Variants in DEAF1 observed in about 807,000 individuals in gnomAD.
DEAF1 encodes the protein deformed epidermal autoregulatory factor 1 homolog.
A neutral mutation model predicts 58.9 loss-of-function variants in DEAF1; 53 were observed. That is an observed-to-expected ratio of 0.90 (90% confidence interval 0.72 to 1.13). The LOEUF (loss-of-function observed/expected upper bound fraction) is 1.13. Among genes scored for constraint, DEAF1 ranks in the 50% most tolerant of loss-of-function variants. The pLI, the probability that DEAF1 is intolerant of heterozygous loss-of-function variation, is 0.00. For missense variants in DEAF1, 685 were observed against 791.4 expected (o/e 0.87, Z 1.61); for synonymous variants, 385 against 340.4 (o/e 1.13, Z -1.44).
At chr11:704,558 C>T in intron 1 of DEAF1, 1 of 1,289,370 alleles carries the variant, frequency 7.8e-7, no homozygotes, top group Non-Finnish European at 1.0e-6. Flanking sequence ...CTGGGCACAC[C>T]TGCCATCTGG....
intron 11 of DEAF1, among the ~76,000 whole-genome samples, chr11:647,713 C>T (rs907814453): frequency 5.9e-5 from 9 of 152,110 alleles, no homozygotes; most frequent in African/African-American, 1.7e-4. Context: ...CTCTCCTGGG[C>T]GATCCAACTC....
At chr11:703,433 G>A (rs1861591196) in intron 1 of DEAF1, 2 of 1,294,418 alleles carry the variant, frequency 1.5e-6, no homozygotes, top group Non-Finnish European at 9.8e-7. Context: ...CCTGTCAGTG[G>A]GGTCTGGCTT....
At chr11:654,164 CCTTTTT>C (rs1858934122) in intron 10 of DEAF1, 113 bp from the exon 11 acceptor site, 37 of 523,224 alleles carry the variant, frequency 7.1e-5, no homozygotes, top group South Asian at 1.3e-4. Flanking sequence ...CATTGGACCC[CCTTTTT>C]TTTTTTTTTT....
intron 11 of DEAF1, among the ~76,000 whole-genome samples, chr11:651,611 C>T (rs891378042): frequency 3.3e-5 from 5 of 151,928 alleles, no homozygotes; most frequent in South Asian, 4.2e-4. Context: ...CAGCTGGGCA[C>T]GGTGGCTCAC....
chr11:644,921 G>A lies in DEAF1; in HGVS notation c.1594-267C>T, dbSNP rs1858414346. On this transcript the variant is annotated intron_variant, in intron 11 of 11. Transcript: ENST00000382409. The surrounding 1 kb of genome is among the most constrained non-coding windows in gnomAD (Gnocchi z 4.3). ...CTCACGCCTGTAATCCCAACACTTT[G>A]GGAGGCCCAGGAGGGTGGATCCCCT... 6.6e-6 allele frequency among the ~76,000 whole-genome samples: 1 copy of A among 152,164 alleles called. No individual in the cohort carries two copies. Among genetic ancestry groups the A allele is most frequent in the Admixed American group, 6.5e-5 (1 of 15,272 alleles).
At chr11:653,669 C>T (rs755693826) in intron 11 of DEAF1, among the ~76,000 whole-genome samples, 7 of 151,894 alleles carry the variant, frequency 4.6e-5, no homozygotes, top group Admixed American at 6.6e-5. Context: ...TGGACAGTCT[C>T]TCTTGCGTGG....
At chr11:671,840 A>C (rs1377005217) in intron 10 of DEAF1, among the ~76,000 whole-genome samples, 4 of 133,000 alleles carry the variant, frequency 3.0e-5, no homozygotes, top group East Asian at 4.9e-4. Flanking sequence ...AAAAAAAAAA[A>C]AAAAAAAAAG....
At chr11:671,846 A>C (rs1381025935) in intron 10 of DEAF1, among the ~76,000 whole-genome samples, 5 of 137,138 alleles carry the variant, frequency 3.6e-5, no homozygotes, top group South Asian at 2.4e-4. Context: ...AAAAAAAAAA[A>C]AAAGAAACAC....
At chr11:659,745 C>A (rs1589981459) in intron 10 of DEAF1, among the ~76,000 whole-genome samples, 1 of 152,216 alleles carries the variant, frequency 6.6e-6, no homozygotes, top group East Asian at 1.9e-4. Flanking sequence ...TTTCCCGGCA[C>A]TGCAGTGAGT....
Position 691,488 on chromosome 11 carries a change from C to A in DEAF1, c.387+13G>T. On this transcript the variant is annotated intron_variant, in intron 2 of 11. Coordinates refer to ENST00000382409, the MANE Select transcript of DEAF1 (RefSeq NM_021008.4). ...ACCACCCGCCCTGGGCTGTGCCCCT[C>A]GGAGCAGCTTACCAGAACATGTCCT... The A allele has an allele frequency of 1.9e-6, 3 of 1,610,516 alleles. No homozygotes were observed. The highest frequency in any genetic ancestry group is 2.5e-6 in the Non-Finnish European group (3 of 1,179,754).
At chr11:697,692 G>C (rs1474590828), upstream of DEAF1, 1 of 152,210 alleles carries the variant, frequency 6.6e-6, no homozygotes, top group Non-Finnish European at 1.5e-5. Context: ...ATAATGACAG[G>C]TATTTAGGTG....
chr11:705,837 T>C (rs1861688529), intron 1 of DEAF1, among the ~76,000 whole-genome samples: 1 of 152,020 alleles, frequency 6.6e-6, no homozygotes, highest in Non-Finnish European at 1.5e-5. Flanking sequence ...CGTTCCCCCG[T>C]CCCCCGGCCT....
intron 1 of DEAF1, chr11:704,558 C>A: frequency 7.8e-7 from 1 of 1,289,370 alleles, no homozygotes. Context: ...CTGGGCACAC[C>A]TGCCATCTGG....
At chr11:670,948 A>G (rs1859797113) in intron 10 of DEAF1, among the ~76,000 whole-genome samples, 2 of 16,084 alleles carry the variant, frequency 1.2e-4, no homozygotes, top group Non-Finnish European at 2.2e-4. Flanking sequence ...TTTTTTTTTG[A>G]GACAGAGTCT....
In DEAF1 at chr11:644,253, G is replaced by C. The variant is rs182162292; in HGVS notation, c.*297C>G. ...AGGGAGACCTTATTTACACTTTATT[G>C]ACAGACACAACACGTATGTATGTGC... On this transcript the variant is annotated 3_prime_UTR_variant, in exon 12 of 12. Coordinates refer to ENST00000382409, the MANE Select transcript of DEAF1 (RefSeq NM_021008.4). This position sits in a 1 kb window ranked among gnomAD's most constrained non-coding sequence, Gnocchi z 4.3. 36 of 499,704 alleles carry C rather than the reference G, an allele frequency of 7.2e-5. No homozygotes were observed. The highest frequency in any genetic ancestry group is 6.8e-4 in the African/African-American group (35 of 51,674). 31.0% of individuals were successfully genotyped at this position (499,704 alleles called of 1,614,324 possible). A position where few individuals can be genotyped will look rare whatever the true frequency, so the allele number is the denominator to read the frequency against.
chr11:659,755 T>C (rs1048167406), intron 10 of DEAF1, among the ~76,000 whole-genome samples: 1 of 152,012 alleles, frequency 6.6e-6, no homozygotes, highest in Non-Finnish European at 1.5e-5. Context: ...CTGCAGTGAG[T>C]TCAGGTGAAG....
At chr11:691,391 A>G in intron 2 of DEAF1, 110 bp downstream of exon 2, 2 of 1,003,684 alleles carry the variant, frequency 2.0e-6, no homozygotes, top group Non-Finnish European at 3.0e-6. Context: ...TCCCCAGCTC[A>G]CAGAGCAGAC....
chr11:658,921 A>G (rs547036037), intron 10 of DEAF1, among the ~76,000 whole-genome samples: 1 of 152,380 alleles, frequency 6.6e-6, no homozygotes, highest in African/African-American at 2.4e-5. Context: ...TGGTTTCATT[A>G]TAATTGATTT....
chr11:681,948 T>G (rs1178961726), intron 6 of DEAF1, among the ~76,000 whole-genome samples: 2 of 152,226 alleles, frequency 1.3e-5, no homozygotes, highest in African/African-American at 4.8e-5. Flanking sequence ...CTTATCATCT[T>G]TTGTTAAGAA....
Sources: gnomAD v4.1 joint callset for allele counts (sites outside exome capture counted in the v4.1 genomes callset) on GRCh38, gnomAD v4.1.1 for gene constraint, Gnocchi (gnomAD v3.1) non-coding constraint, MANE v1.5 for transcripts, NCBI Gene and HGNC (gene_info 2026-07-23, HGNC 2026-07-21) for gene names.